Variants in MRC1 observed in about 807,000 individuals in gnomAD.
MRC1 encodes macrophage mannose receptor 1.
In MRC1, 62 loss-of-function variants were observed where a neutral mutation model predicts 102.9. The ratio of observed to expected loss-of-function variants is 0.60; its 90% CI spans 0.49 to 0.74. MRC1 has a LOEUF of 0.74. Among genes scored for constraint, MRC1 ranks in the 30% least tolerant of loss-of-function variants. The pLI is 0.00. For synonymous variants in MRC1, 457 were observed against 298.4 expected, an observed-to-expected ratio of 1.53 and a Z score of -5.48; for missense variants, 1,237 against 862.8, an observed-to-expected ratio of 1.43 and a Z score of -5.43.
chr10:17,902,802 A>T (rs1221201976), intron 26 of MRC1, among the ~76,000 whole-genome samples: 1 of 152,124 alleles, frequency 6.6e-6, no homozygotes, highest in Non-Finnish European at 1.5e-5. Flanking sequence ...AGTTTGCTTT[A>T]GCTTTGTACA....
intron 1 of MRC1, among the ~76,000 whole-genome samples, chr10:17,815,093 C>T (rs1031149639): frequency 2.0e-5 from 3 of 152,138 alleles, no homozygotes; most frequent in Admixed American, 6.5e-5. Context: ...ATATATTAAG[C>T]AATTCCTGTG....
At chr10:17,833,330 G>A (rs1838608082) in intron 3 of MRC1, among the ~76,000 whole-genome samples, 1 of 152,002 alleles carries the variant, frequency 6.6e-6, no homozygotes, top group Admixed American at 6.6e-5. Context: ...AGACTAGCCT[G>A]GGCCACATAG....
At position 17,894,350 on chromosome 10, in the gene MRC1, G is replaced by C. The variant is rs1313453823; in HGVS notation, c.3250+38G>C. ...AAACCTTACCTTCCTGAAAGAGCTG[G>C]GGTTTTTTTTTCCCCACTTTTTTCT... is the stretch of plus-strand genomic sequence containing the variant. On this transcript the variant is annotated intron_variant, in intron 23 of 29. Coordinates refer to ENST00000569591, the MANE Select transcript of MRC1 (RefSeq NM_002438.4). 3 of 857,096 alleles carry C rather than the reference G, an allele frequency of 3.5e-6. No homozygotes were observed. In the African/African-American group the frequency reaches 5.0e-5, roughly 14 times the overall value. The allele number at this position is 857,096 out of a possible 1,614,324, so 53.1% of individuals were successfully genotyped here.
intron 14 of MRC1, among the ~76,000 whole-genome samples, chr10:17,871,196 A>C (rs1833350429): frequency 6.6e-6 from 1 of 152,156 alleles, no homozygotes; most frequent in Non-Finnish European, 1.5e-5. Flanking sequence ...CCAGGAATGA[A>C]GAAGTGAGAG....
At chr10:17,841,433 T>C (rs2130626796) in intron 5 of MRC1, among the ~76,000 whole-genome samples, 1 of 152,310 alleles carries the variant, frequency 6.6e-6, no homozygotes, top group South Asian at 2.1e-4. Flanking sequence ...CATACTAGCA[T>C]AAAAATTCAT....
chr10:17,823,041 T>C, intron 1 of MRC1, 33 bp from the exon 2 acceptor site: 1 of 780,286 alleles, frequency 1.3e-6, no homozygotes. Context: ...GCTTGCTTTC[T>C]TCTTCTTTTC....
intron 8 of MRC1, chr10:17,854,795 TCTC>T (rs2130650296): frequency 5.6e-6 from 1 of 178,564 alleles, no homozygotes; most frequent in South Asian, 9.1e-5. Flanking sequence ...TTCAAGCGAT[TCTC>T]CTGCCTCAGC....
chr10:17,882,324 A>G (rs1833531746), intron 21 of MRC1, among the ~76,000 whole-genome samples: 1 of 152,160 alleles, frequency 6.6e-6, no homozygotes. Flanking sequence ...ACGTGGAACC[A>G]ATGAGTGATG....
In MRC1 at chr10:17,837,641, T is replaced by A. The variant is rs1026517801; in HGVS notation, c.803-3052T>A. Among the ~76,000 whole-genome samples the A allele has an allele frequency of 1.5e-3, 228 of 152,030 alleles. 2 individuals are homozygous for A. Among genetic ancestry groups the A allele is most frequent in the African/African-American group, 4.7e-3 (197 of 41,506 alleles). On this transcript the variant is annotated intron_variant, in intron 4 of 29. Coordinates refer to ENST00000569591, the MANE Select transcript of MRC1 (RefSeq NM_002438.4). Reference sequence around the variant, plus strand: ...TTTTATTTTATTTATTATTATTATTTTTTTTGAGACAAAGTCTCACTCTGT... The same window carrying A: ...TTTTATTTTATTTATTATTATTATTATTTTTGAGACAAAGTCTCACTCTGT...
At position 17,838,962 on chromosome 10, in the gene MRC1, G is replaced by A. The variant is rs555140403; in HGVS notation, c.803-1731G>A. On this transcript the variant is annotated intron_variant, in intron 4 of 29. Coordinates refer to ENST00000569591, the MANE Select transcript of MRC1 (RefSeq NM_002438.4). ...AGCATATTAGAGAAAATTATTTGTG[G>A]ACAACACCCATCTGCTTTAAGAGAT... Among the ~76,000 whole-genome samples, 183 of 152,244 alleles carry A rather than the reference G, an allele frequency of 1.2e-3. 1 individual carries two copies. Among genetic ancestry groups the A allele is most frequent in the African/African-American group, 4.4e-3 (181 of 41,550 alleles).
chr10:17,896,786 G>A (rs991593238), intron 23 of MRC1, among the ~76,000 whole-genome samples: 58 of 152,088 alleles, frequency 3.8e-4, no homozygotes, highest in East Asian at 5.8e-4. Flanking sequence ...AAAATAAAAT[G>A]AAATGAAATG....
At chr10:17,877,782 G>A in intron 17 of MRC1, 118 bp from the exon 18 acceptor site, 2 of 790,188 alleles carry the variant, frequency 2.5e-6, no homozygotes, top group Middle Eastern at 3.5e-4. Flanking sequence ...CATTTCTGCA[G>A]AAATTCCTCT....
At chr10:17,813,646 TATACATATATATATATAC>T (rs1554837593) in intron 1 of MRC1, among the ~76,000 whole-genome samples, 7 of 134,936 alleles carry the variant, frequency 5.2e-5, no homozygotes, top group African/African-American at 1.9e-4. Context: ...TATATAAATA[TATACATATATATATATAC>T]ACACACACAC....
intron 6 of MRC1, among the ~76,000 whole-genome samples, chr10:17,849,312 A>G (rs916397050): frequency 1.3e-5 from 2 of 151,048 alleles, no homozygotes; most frequent in Non-Finnish European, 2.9e-5. Flanking sequence ...TTAAAAAAAA[A>G]AAAAAAAGAA....
chr10:17,876,680 C>T (rs1833442048), intron 17 of MRC1, among the ~76,000 whole-genome samples: 1 of 152,070 alleles, frequency 6.6e-6, no homozygotes. Flanking sequence ...GTCCTGGACC[C>T]TTTGTGTATC....
At chr10:17,850,406 G>T (rs1838896863) in intron 7 of MRC1, among the ~76,000 whole-genome samples, 2 of 152,054 alleles carry the variant, frequency 1.3e-5, no homozygotes, top group South Asian at 4.2e-4. Context: ...TTTGAGGCCA[G>T]TCCAGGGAAC....
At chr10:17,905,758 C>A (rs1833886643) in intron 26 of MRC1, among the ~76,000 whole-genome samples, 1 of 152,092 alleles carries the variant, frequency 6.6e-6, no homozygotes, top group African/African-American at 2.4e-5. Context: ...TAGGTACGGA[C>A]CCTCAAGGTT....
At chr10:17,812,179 G>T (rs1838233520) in intron 1 of MRC1, among the ~76,000 whole-genome samples, 1 of 152,070 alleles carries the variant, frequency 6.6e-6, no homozygotes, top group African/African-American at 2.4e-5. Context: ...TCCCTGGAGG[G>T]GTCCAGGAGT....
At chr10:17,853,347 G>T (rs1833013537) in intron 8 of MRC1, among the ~76,000 whole-genome samples, 1 of 151,954 alleles carries the variant, frequency 6.6e-6, no homozygotes, top group Admixed American at 6.6e-5. Flanking sequence ...AGAAACTTTT[G>T]GGTCAAGGAT....
Sources: gnomAD v4.1 joint callset for allele counts (sites outside exome capture counted in the v4.1 genomes callset) on GRCh38, gnomAD v4.1.1 for gene constraint, MANE v1.5 for transcripts, NCBI Gene and HGNC (gene_info 2026-07-23, HGNC 2026-07-21) for gene names.